VPS39: variants seen among roughly 807,000 people sequenced by gnomAD.
VPS39 encodes the protein vam6/Vps39-like protein.
In VPS39, 70 loss-of-function variants were observed where a neutral mutation model predicts 121.0. The observed-to-expected ratio is 0.58, with a 90% CI of 0.48 to 0.71. The LOEUF (loss-of-function observed/expected upper bound fraction) is 0.71. VPS39 is among the 30% of genes least tolerant of loss of function. VPS39 has a pLI of 0.00. For missense variants in VPS39, 818 were observed against 1,051.5 expected (o/e 0.78, Z 3.07); for synonymous variants, 378 against 398.1 (o/e 0.95, Z 0.60).
chr15:42,200,079 G>T, intron 1 of VPS39, 118 bp from the exon 2 acceptor site: 2 of 964,400 alleles, frequency 2.1e-6, no homozygotes, highest in Non-Finnish European at 2.9e-6. Context: ...AAATCAATGT[G>T]TCAAGAAAAT....
At chr15:42,205,836 G>T (rs988253807) in intron 1 of VPS39, among the ~76,000 whole-genome samples, 1 of 152,160 alleles carries the variant, frequency 6.6e-6, no homozygotes, top group African/African-American at 2.4e-5. Flanking sequence ...AAGATAGAGA[G>T]AAATGACTGG....
At chr15:42,178,761 G>T in intron 8 of VPS39, 191 bp from the exon 9 acceptor site, 1 of 749,302 alleles carries the variant, frequency 1.3e-6, no homozygotes, top group Non-Finnish European at 2.0e-6. Context: ...CCAGCAACTT[G>T]AGAGGTTGAG....
intron 1 of VPS39, among the ~76,000 whole-genome samples, chr15:42,202,821 T>C (rs1002039581): frequency 6.6e-6 from 1 of 152,176 alleles, no homozygotes; most frequent in Non-Finnish European, 1.5e-5. Context: ...ACTGGTCTCA[T>C]TCACTCCATG....
At chr15:42,169,587 T>C (rs2049308110) in intron 12 of VPS39, 137 bp downstream of exon 12, 1 of 976,560 alleles carries the variant, frequency 1.0e-6, no homozygotes, top group Admixed American at 3.4e-5. Flanking sequence ...GAAAGAAACT[T>C]TACCCCAGGC....
At chr15:42,207,010 G>T (rs1271247590) in intron 1 of VPS39, among the ~76,000 whole-genome samples, 2 of 152,204 alleles carry the variant, frequency 1.3e-5, no homozygotes, top group Admixed American at 6.5e-5. Context: ...GCTTACTGTG[G>T]AGGTATGATT....
At chr15:42,176,889 A>G (rs1324019969) in intron 10 of VPS39, among the ~76,000 whole-genome samples, 1 of 152,152 alleles carries the variant, frequency 6.6e-6, no homozygotes, top group Non-Finnish European at 1.5e-5. Flanking sequence ...GAGGCTGGGC[A>G]TAGTAGTTCA....
intron 12 of VPS39, among the ~76,000 whole-genome samples, chr15:42,168,342 T>G (rs2049284139): frequency 6.6e-6 from 1 of 152,208 alleles, no homozygotes; most frequent in Non-Finnish European, 1.5e-5. Context: ...GAATCTTTTT[T>G]ACTTAGCACA....
intron 1 of VPS39, among the ~76,000 whole-genome samples, chr15:42,201,719 T>C (rs1315154918): frequency 1.3e-5 from 2 of 152,134 alleles, no homozygotes; most frequent in African/African-American, 4.8e-5. Flanking sequence ...CAGAAAGAGT[T>C]TAAATAATTA....
intron 21 of VPS39, among the ~76,000 whole-genome samples, chr15:42,162,855 G>A (rs2049160396): frequency 6.6e-6 from 1 of 152,316 alleles, no homozygotes; most frequent in Middle Eastern, 3.4e-3. Context: ...GCCTACTGGT[G>A]CCAGTACCAC....
chr15:42,187,480 T>A, intron 6 of VPS39, 117 bp from the exon 7 acceptor site: 1 of 907,434 alleles, frequency 1.1e-6, no homozygotes, highest in Non-Finnish European at 1.7e-6. Context: ...TCGGGCACAA[T>A]TCTACAGGCA....
intron 1 of VPS39, among the ~76,000 whole-genome samples, chr15:42,204,837 T>C (rs2050137903): frequency 6.6e-6 from 1 of 152,156 alleles, no homozygotes; most frequent in South Asian, 2.1e-4. Flanking sequence ...TATCTTTCCA[T>C]TGTTTCTCTG....
intron 1 of VPS39, among the ~76,000 whole-genome samples, chr15:42,205,990 C>T (rs1161616629): frequency 6.6e-6 from 1 of 152,122 alleles, no homozygotes; most frequent in East Asian, 1.9e-4. Flanking sequence ...CTTGCTGAGA[C>T]GTAAGATACA....
Position 42,178,205 on chromosome 15 carries a change from G to C in VPS39, c.960+13C>G, listed in dbSNP as rs2049496510. 1.2e-6 allele frequency: 2 copies of C among 1,613,960 alleles called. No homozygotes were observed. The highest frequency in any genetic ancestry group is 1.7e-5 in the Admixed American group (1 of 59,976). ...ACAATAAGGAAGGAAGACTAGTCAG[G>C]AACAAGACTTACTGCGAGCTGCAGA... On this transcript the variant is annotated intron_variant, in intron 10 of 24. Transcript: ENST00000318006.
chr15:42,163,679 T>TTCA lies in VPS39; in HGVS notation c.2073_2075dup (p.His691_Glu692insAsp). On this transcript the variant is annotated inframe_insertion, in exon 20 of 25. Coordinates refer to ENST00000318006, the MANE Select transcript of VPS39 (RefSeq NM_015289.5). ...TGTGGACATAAATGAAAAGAGCTTG[T>TTCA]TCATGTTTCCCCATGCGCCCCAACA... The TTCA allele has an allele frequency of 6.2e-7, 1 of 1,613,986 alleles. No homozygotes were observed.
chr15:42,164,461 C>T lies in VPS39; in HGVS notation c.1923G>A (p.Glu641=), dbSNP rs2049202211. ...GGTATTCTCCCAGCTCACCCTCTTC[C>T]TCTCCAGCTGGGACTGGGGTTTTGC... The part of the protein sequence containing the change: ...PAGKTPVPAG[E]EEGELGEYRQ... Residue 641 remains glutamate, a synonymous_variant, in exon 19 of 25, where the codon GAG becomes GAA. Coordinates refer to ENST00000318006, the MANE Select transcript of VPS39 (RefSeq NM_015289.5). 2 of 1,614,088 alleles carry T rather than the reference C, an allele frequency of 1.2e-6. No individual in the cohort carries two copies. The highest frequency in any genetic ancestry group is 4.5e-5 in the East Asian group (2 of 44,880).
intron 21 of VPS39, 47 bp downstream of exon 21, chr15:42,163,303 G>T (rs115915752): frequency 1.9e-6 from 3 of 1,611,362 alleles, no homozygotes; most frequent in Non-Finnish European, 2.5e-6. Flanking sequence ...TCAAACCAAC[G>T]GGGAGAGGTA....
chr15:42,183,994 A>G (rs2140868168), intron 8 of VPS39, among the ~76,000 whole-genome samples: 1 of 148,208 alleles, frequency 6.7e-6, no homozygotes, highest in Admixed American at 7.0e-5. Context: ...AGAAGCACCT[A>G]ATGCGTAGAA....
Position 42,169,749 on chromosome 15 carries a change from A to G in VPS39, c.1208T>C (p.Leu403Ser). 2 of 1,614,064 alleles carry G rather than the reference A, an allele frequency of 1.2e-6. No homozygotes were observed. Among genetic ancestry groups the G allele is most frequent in the South Asian group, 2.2e-5 (2 of 91,068 alleles). Reference protein sequence around the residue: ...LSGAELEKAHLALIDYLTQKR... With the variant: ...LSGAELEKAHSALIDYLTQKR... ...CTGTGTCAGGTAGTCAATCAGAGCTAAGTGAGCCTTCTCCAATTCAGCCCC... is the reference window on the plus strand; with the variant it reads ...CTGTGTCAGGTAGTCAATCAGAGCTGAGTGAGCCTTCTCCAATTCAGCCCC... Residue 403 changes from leucine (L) to serine (S), a missense_variant, in exon 12 of 25, where the codon TTA becomes TCA. Coordinates refer to ENST00000318006, the MANE Select transcript of VPS39 (RefSeq NM_015289.5).
In VPS39 at chr15:42,173,897, T is replaced by C. The variant is rs1303218621; in HGVS notation, c.961-45A>G. ...TGTAAGAGTTCACTCACTCAACAAA[T>C]ATTGTTCAGTATGTTCTTGATGTTA... On this transcript the variant is annotated intron_variant, in intron 10 of 24. Transcript: ENST00000318006. The C allele has an allele frequency of 2.5e-6, 4 of 1,604,042 alleles. No homozygotes were observed. The South Asian group carries it at 4.4e-5, about 18-fold the overall frequency.
Sources: allele counts gnomAD v4.1 joint callset (sites outside exome capture counted in the v4.1 genomes callset), GRCh38; gene constraint gnomAD v4.1.1; transcripts MANE v1.5; gene names NCBI Gene and HGNC (gene_info 2026-07-23, HGNC 2026-07-21).